Variants in MYT1 observed in about 807,000 individuals in gnomAD.
MYT1 encodes myelin transcription factor 1.
Under a neutral mutation model 123.0 loss-of-function variants are expected in MYT1, and 23 were observed. The ratio of observed to expected loss-of-function variants is 0.19; its 90% CI spans 0.13 to 0.26. MYT1 has a LOEUF of 0.26. Ranked by LOEUF, MYT1 falls within the 10% of genes least tolerant of loss-of-function variation. The pLI is 1.00. For synonymous variants in MYT1, 518 were observed against 575.3 expected, an observed-to-expected ratio of 0.90 and a Z score of 1.43; for missense variants, 1,125 against 1,472.5, an observed-to-expected ratio of 0.76 and a Z score of 3.86.
At position 64,190,315 on chromosome 20, in the gene MYT1, T is replaced by C. The variant is rs1982926368; in HGVS notation, c.-1+155T>C. ...GGTGAAGGGTAAATGGGGACTAGGA[T>C]CAGCAATGATCCGGTCACTTTAAAA... On this transcript the variant is annotated intron_variant, in intron 2 of 22. Coordinates refer to ENST00000328439, the MANE Select transcript of MYT1 (RefSeq NM_004535.3). The surrounding 1 kb of genome is among the most constrained non-coding windows in gnomAD (Gnocchi z 4.1). 6.6e-6 allele frequency among the ~76,000 whole-genome samples: 1 copy of C among 152,182 alleles called. No homozygotes were observed. The highest frequency in any genetic ancestry group is 1.5e-5 in the Non-Finnish European group (1 of 68,038).
At chr20:64,220,103 G>C in intron 13 of MYT1, 121 bp downstream of exon 13, 2 of 1,387,980 alleles carry the variant, frequency 1.4e-6, no homozygotes, top group Non-Finnish European at 1.9e-6. Flanking sequence ...AGAGCCTCGG[G>C]GAGCCATCCC....
rs570327497 is a variant in MYT1, at chr20:64,167,275, G to A, written c.-99+2536G>A. On this transcript the variant is annotated intron_variant, in intron 1 of 22. Coordinates refer to ENST00000328439, the MANE Select transcript of MYT1 (RefSeq NM_004535.3). This position sits in a 1 kb window ranked among gnomAD's most constrained non-coding sequence, Gnocchi z 6.3. Reference sequence around the variant, plus strand: ...CAGCCGCTGCTCGGTGGCAGTGGGCGGGCTGGTGGGGGCTGAGCTCTTCCT... The same window carrying A: ...CAGCCGCTGCTCGGTGGCAGTGGGCAGGCTGGTGGGGGCTGAGCTCTTCCT... 1.0e-3 allele frequency among the ~76,000 whole-genome samples: 153 copies of A among 152,330 alleles called. No homozygotes were observed. Among genetic ancestry groups the A allele is most frequent in the Non-Finnish European group, 1.7e-3 (117 of 68,032 alleles).
At chr20:64,209,236 G>C (rs536334273) in intron 7 of MYT1, among the ~76,000 whole-genome samples, 15 of 152,158 alleles carry the variant, frequency 9.9e-5, no homozygotes, top group Non-Finnish European at 1.9e-4. Context: ...TGGGGTGTCA[G>C]GGTCTGGACA....
rs1162057726 is a variant in MYT1 at position 64,202,271 on chromosome 20, G to A, written c.86+2349G>A. Reference sequence around the variant, plus strand: ...ACCCTGAGCTGCTATTTCCGACCTCGGAGCCCACTGGGAGTGCCTGAGCGA... The same window carrying A: ...ACCCTGAGCTGCTATTTCCGACCTCAGAGCCCACTGGGAGTGCCTGAGCGA... On this transcript the variant is annotated intron_variant, in intron 4 of 22. Coordinates refer to ENST00000328439, the MANE Select transcript of MYT1 (RefSeq NM_004535.3). This position sits in a 1 kb window ranked among gnomAD's most constrained non-coding sequence, Gnocchi z 5.0. Among the ~76,000 whole-genome samples the A allele has an allele frequency of 8.5e-5, 13 of 152,192 alleles. No homozygotes were observed. Among genetic ancestry groups the A allele is most frequent in the Admixed American group, 7.2e-4 (11 of 15,280 alleles).
chr20:64,214,963 C>T (rs1983793675), intron 10 of MYT1, among the ~76,000 whole-genome samples: 1 of 152,228 alleles, frequency 6.6e-6, no homozygotes, highest in Admixed American at 6.5e-5. Context: ...CGTGGGATCT[C>T]TGGGCAGAGC....
chr20:64,183,488 A>G (rs1339526984), intron 1 of MYT1, among the ~76,000 whole-genome samples: 1 of 152,254 alleles, frequency 6.6e-6, no homozygotes, highest in Non-Finnish European at 1.5e-5. Flanking sequence ...CATTCGCATC[A>G]GCATTCTATG....
intron 4 of MYT1, among the ~76,000 whole-genome samples, chr20:64,200,686 T>C (rs543864986): frequency 1.3e-5 from 2 of 152,306 alleles, no homozygotes; most frequent in East Asian, 1.9e-4. Context: ...GGGAAGGTCA[T>C]GGAAGCACTG....
intron 2 of MYT1, among the ~76,000 whole-genome samples, chr20:64,194,995 A>G (rs1425368783): frequency 1.3e-5 from 2 of 151,994 alleles, no homozygotes; most frequent in East Asian, 3.9e-4. Flanking sequence ...TCGGGGGTTC[A>G]GGTGATTCTC....
intron 16 of MYT1, among the ~76,000 whole-genome samples, chr20:64,225,861 CT>C (rs1353403421): frequency 2.0e-5 from 3 of 152,196 alleles, no homozygotes; most frequent in African/African-American, 4.8e-5. Context: ...ATGGCCCCCC[CT>C]GTGTGTTAGG....
At position 64,198,843 on chromosome 20, in the gene MYT1, C is replaced by T. The variant is rs201067948; in HGVS notation, c.1-19C>T. 129 of 1,614,026 alleles carry T rather than the reference C, an allele frequency of 8.0e-5. 2 individuals carry two copies. The South Asian group carries it at 8.5e-4, about 11-fold the overall frequency. On this transcript the variant is annotated intron_variant, in intron 2 of 22. Transcript: ENST00000328439. ...ACTGGCTGGGTTTTCTTGTTAACGTCGTGGTTTTTTGCTTGCAGATGAGCT... is the reference window on the plus strand; with the variant it reads ...ACTGGCTGGGTTTTCTTGTTAACGTTGTGGTTTTTTGCTTGCAGATGAGCT...
Position 64,232,946 on chromosome 20 carries a change from C to G in MYT1, c.2897+561C>G, listed in dbSNP as rs1288929262. Among the ~76,000 whole-genome samples, 1 of 151,926 alleles carries G rather than the reference C, an allele frequency of 6.6e-6. No individual in the cohort carries two copies. ...GCATTCACCAACTCTCGCCTGCCCT[C>G]CAACACCTGCTCCAGAGCCGAAGGA... is the stretch of plus-strand genomic sequence containing the variant. On this transcript the variant is annotated intron_variant, in intron 19 of 22. Transcript: ENST00000328439. The surrounding 1 kb of genome is among the most constrained non-coding windows in gnomAD (Gnocchi z 6.9).
Position 64,240,479 on chromosome 20 carries a change from A to G in MYT1, c.*31A>G. ...GTGGTACCCAGAAGTGTCCCAGCCC[A>G]CCACACCGTTTACCTCCCTCGCCCT... is the stretch of plus-strand genomic sequence containing the variant. On this transcript the variant is annotated 3_prime_UTR_variant, in exon 23 of 23. Coordinates refer to ENST00000328439, the MANE Select transcript of MYT1 (RefSeq NM_004535.3). The G allele has an allele frequency of 6.2e-7, 1 of 1,602,718 alleles. No individual in the cohort carries two copies. Among genetic ancestry groups the G allele is most frequent in the African/African-American group, 1.3e-5 (1 of 74,734 alleles).
chr20:64,179,890 G>A (rs927589383), intron 1 of MYT1, among the ~76,000 whole-genome samples: 5 of 148,852 alleles, frequency 3.4e-5, no homozygotes, highest in Non-Finnish European at 7.4e-5. Context: ...TTACACACAC[G>A]CTACACAGTT....
At chr20:64,200,341 C>T (rs2983454) in intron 4 of MYT1, among the ~76,000 whole-genome samples, 12,768 of 152,194 alleles carry the variant, frequency 0.084, 658 homozygotes, top group African/African-American at 0.13. Context: ...TCCATTGGCT[C>T]GGGATGCAAA....
intron 8 of MYT1, 61 bp from the exon 9 acceptor site, chr20:64,211,986 CA>C: frequency 7.0e-7 from 1 of 1,421,078 alleles, no homozygotes; most frequent in Non-Finnish European, 9.9e-7. Flanking sequence ...GCTCCCCACA[CA>C]GCTGGCGCTC....
chr20:64,170,786 G>A (rs1161826955), intron 1 of MYT1, among the ~76,000 whole-genome samples: 4 of 145,906 alleles, frequency 2.7e-5, no homozygotes, highest in South Asian at 4.4e-4. Flanking sequence ...TCACCGATGC[G>A]TCAAAGTGGG....
In MYT1 at chr20:64,208,266, A is replaced by C; in HGVS notation, c.1070A>C (p.His357Pro). Residue 357 changes from histidine to proline, a missense_variant, in exon 7 of 23, where the codon CAC becomes CCC. By Grantham distance (77) the His-to-Pro change is moderately conservative. This residue lies in a region of MYT1 where 429 missense variants were observed against 604.1 expected (regional missense o/e 0.71). Transcript: ENST00000328439. This position sits in a 1 kb window ranked among gnomAD's most constrained non-coding sequence, Gnocchi z 5.4. ...RSDDDKDEDT[H>P]SRKSTVTDES... is the part of the protein sequence containing the mutation. ...GATGATGACAAGGACGAGGACACCC[A>C]CTCCCGGAAGTCAACAGTCACTGAC... 1.9e-6 allele frequency: 3 copies of C among 1,614,054 alleles called. No individual in the cohort carries two copies. Among genetic ancestry groups the C allele is most frequent in the Non-Finnish European group, 2.5e-6 (3 of 1,180,024 alleles).
Position 64,208,433 on chromosome 20 carries a change from C to A in MYT1, c.1237C>A (p.Pro413Thr). The A allele has an allele frequency of 6.2e-7, 1 of 1,612,938 alleles. No individual in the cohort carries two copies. The highest frequency in any genetic ancestry group is 8.5e-7 in the Non-Finnish European group (1 of 1,179,850). Residue 413 changes from proline (P) to threonine (T), a missense_variant, in exon 7 of 23, where the codon CCA becomes ACA. By Grantham distance (38) the Pro-to-Thr change is conservative. This residue lies in a region of MYT1 where 429 missense variants were observed against 604.1 expected (regional missense o/e 0.71). Transcript: ENST00000328439. The surrounding 1 kb of genome is among the most constrained non-coding windows in gnomAD (Gnocchi z 5.4). Reference protein sequence around the residue: ...AEQSQLGLGEPGKAAKPLDTV... With the variant: ...AEQSQLGLGETGKAAKPLDTV... ...GCAGAGCCAGCTGGGCCTGGGAGAG[C>A]CAGGGAAGGCAGCAAAGCCCCTGGA...
intron 19 of MYT1, among the ~76,000 whole-genome samples, chr20:64,234,947 G>T (rs1339536052): frequency 1.6e-3 from 230 of 141,356 alleles, no homozygotes; most frequent in African/African-American, 3.2e-3. Flanking sequence ...GGGTGACCCT[G>T]GGATGGCTGT....
Sources: gnomAD v4.1 joint callset for allele counts (sites outside exome capture counted in the v4.1 genomes callset) on GRCh38, gnomAD v4.1.1 for gene constraint, gnomAD v4.1.1 regional missense constraint, Gnocchi (gnomAD v3.1) non-coding constraint, MANE v1.5 for transcripts, NCBI Gene and HGNC (gene_info 2026-07-23, HGNC 2026-07-21) for gene names.